IMPG1: variants seen among roughly 807,000 people sequenced by gnomAD.
IMPG1 encodes the protein interphotoreceptor matrix proteoglycan of 150 kDa.
In IMPG1, 85 loss-of-function variants were observed where a neutral mutation model predicts 92.0. The observed-to-expected ratio is 0.92, with a 90% CI of 0.78 to 1.11. The LOEUF is 1.11. Among genes scored for constraint, IMPG1 ranks in the 50% least tolerant of loss-of-function variants. The pLI is 0.00. For synonymous variants in IMPG1, 367 were observed against 334.1 expected (o/e 1.10, Z -1.08); for missense variants, 1,022 against 956.0 (o/e 1.07, Z -0.91).
Position 75,931,098 on chromosome 6 carries a change from C to G in IMPG1, c.2098G>C (p.Val700Leu). 1.2e-6 allele frequency: 2 copies of G among 1,614,150 alleles called. No homozygotes were observed. Among genetic ancestry groups the G allele is most frequent in the Non-Finnish European group, 1.7e-6 (2 of 1,180,032 alleles). Residue 700 changes from valine to leucine, a missense_variant, in exon 15 of 17, where the codon GTA becomes CTA. Val to Leu is a conservative substitution (Grantham distance 32). This residue lies in a region of IMPG1 where 332 missense variants were observed against 346.2 expected (regional missense o/e 0.96). Coordinates refer to ENST00000369950, the MANE Select transcript of IMPG1 (RefSeq NM_001563.4). ...GCTTCCTCAGTCCGTTCGTTCTTTACACATTGGGCAAATTCGCCGCAGGCC... is the reference window on the plus strand; with the variant it reads ...GCTTCCTCAGTCCGTTCGTTCTTTAGACATTGGGCAAATTCGCCGCAGGCC... The part of the protein sequence containing the change: ...FLACGEFAQC[V>L]KNERTEEAEC...
At chr6:75,923,115 T>C (rs1184847898) in intron 16 of IMPG1, among the ~76,000 whole-genome samples, 2 of 152,090 alleles carry the variant, frequency 1.3e-5, no homozygotes, top group East Asian at 1.9e-4. Flanking sequence ...AAAATAAAAT[T>C]ATTTTAGTAA....
intron 12 of IMPG1, among the ~76,000 whole-genome samples, chr6:75,986,167 A>G (rs1279136360): frequency 2.0e-5 from 3 of 152,124 alleles, no homozygotes. Flanking sequence ...TTACATTTAC[A>G]TATTATCTTG....
At chr6:76,012,449 TC>T (rs1783202332) in intron 7 of IMPG1, among the ~76,000 whole-genome samples, 1 of 152,230 alleles carries the variant, frequency 6.6e-6, no homozygotes, top group African/African-American at 2.4e-5. Flanking sequence ...ATCTTCAGCC[TC>T]CTGCTTCACT....
intron 1 of IMPG1, among the ~76,000 whole-genome samples, chr6:76,060,348 A>C (rs1165754429): frequency 1.3e-5 from 2 of 152,076 alleles, no homozygotes. Context: ...GGAAGAGAGG[A>C]GCAATAGAGG....
At position 76,018,772 on chromosome 6, in the gene IMPG1, G is replaced by A. The variant is rs149994451; in HGVS notation, c.753C>T (p.Leu251=). 1.1e-3 allele frequency: 1,819 copies of A among 1,613,200 alleles called. 5 individuals carry two copies. The highest frequency in any genetic ancestry group is 1.4e-3 in the Non-Finnish European group (1,695 of 1,179,672). ...GGTAATATGGGGACTGGGAGTCAGC[G>A]AGCTCTGCCTTGAACTTCTGGTTTA... The part of the protein sequence containing the change: ...SLVNQKFKAE[L]ADSQSPYYQE... The change falls in exon 7 of 17, where the codon CTC becomes CTT. Residue 251 remains leucine, a synonymous_variant. Transcript: ENST00000369950.
At chr6:76,030,264 G>C in intron 4 of IMPG1, among the ~76,000 whole-genome samples, 1 of 152,212 alleles carries the variant, frequency 6.6e-6, no homozygotes, top group African/African-American at 2.4e-5. Flanking sequence ...GGTGGGACCT[G>C]ACAAGGTCAC....
At chr6:75,947,153 T>C (rs1340645788) in intron 14 of IMPG1, among the ~76,000 whole-genome samples, 161 bp downstream of exon 14, 1 of 152,248 alleles carries the variant, frequency 6.6e-6, no homozygotes, top group Non-Finnish European at 1.5e-5. Context: ...GGACTCTACC[T>C]TTCTAATGAT....
At chr6:75,935,409 C>G (rs1351650396) in intron 14 of IMPG1, among the ~76,000 whole-genome samples, 3 of 152,228 alleles carry the variant, frequency 2.0e-5, no homozygotes, top group Non-Finnish European at 4.4e-5. Flanking sequence ...GCTGCCACGC[C>G]CTGGCGCCCA....
intron 12 of IMPG1, among the ~76,000 whole-genome samples, chr6:75,991,121 G>A (rs1480356164): frequency 2.0e-5 from 3 of 152,110 alleles, no homozygotes; most frequent in Non-Finnish European, 2.9e-5. Flanking sequence ...AAATGGACAC[G>A]GTGGTTCACG....
chr6:76,038,109 T>C (rs1452564676), intron 2 of IMPG1, among the ~76,000 whole-genome samples: 1 of 152,176 alleles, frequency 6.6e-6, no homozygotes, highest in Non-Finnish European at 1.5e-5. Flanking sequence ...CATCATCAGT[T>C]ATGCAGAGAT....
intron 10 of IMPG1, 140 bp from the exon 11 acceptor site, chr6:76,004,090 C>T (rs533395205): frequency 3.2e-6 from 2 of 618,918 alleles, no homozygotes; most frequent in Non-Finnish European, 5.5e-6. Flanking sequence ...AAACCAGAGG[C>T]ATAGAAAAAA....
At chr6:76,059,732 T>C (rs190156456) in intron 1 of IMPG1, among the ~76,000 whole-genome samples, 2 of 152,310 alleles carry the variant, frequency 1.3e-5, no homozygotes, top group African/African-American at 2.4e-5. Flanking sequence ...TACTTGGCAC[T>C]CTCTGCCTTA....
intron 15 of IMPG1, among the ~76,000 whole-genome samples, chr6:75,925,964 C>T (rs1188361912): frequency 6.6e-6 from 1 of 152,144 alleles, no homozygotes; most frequent in Non-Finnish European, 1.5e-5. Context: ...TGTGCCAGGC[C>T]TGTATTTATT....
At chr6:76,006,563 CAT>C (rs1783103910) in intron 9 of IMPG1, among the ~76,000 whole-genome samples, 1 of 149,000 alleles carries the variant, frequency 6.7e-6, no homozygotes, top group South Asian at 2.1e-4. Flanking sequence ...TATATATATA[CAT>C]ATGTGTTGTA....
At position 76,048,362 on chromosome 6, in the gene IMPG1, A is replaced by T. The variant is rs114240838; in HGVS notation, c.68-6236T>A. On this transcript the variant is annotated intron_variant, in intron 1 of 16. Coordinates refer to ENST00000369950, the MANE Select transcript of IMPG1 (RefSeq NM_001563.4). ...TACCTTCTTGCTGATTCTTTCTCTT[A>T]GCTGATGAGTTTGCTTCACATTTTA... 8.0e-3 allele frequency among the ~76,000 whole-genome samples: 1,211 copies of T among 152,290 alleles called. 11 individuals are homozygous for T. Among genetic ancestry groups the T allele is most frequent in the African/African-American group, 0.027 (1,142 of 41,554 alleles).
chr6:75,931,246 T>G (rs554294663), intron 14 of IMPG1, 95 bp from the exon 15 acceptor site: 7 of 1,160,174 alleles, frequency 6.0e-6, no homozygotes, highest in Admixed American at 2.0e-5. Context: ...CATTTGCTAT[T>G]ACCTCATTTT....
At chr6:75,995,832 T>A (rs1782890600) in intron 12 of IMPG1, among the ~76,000 whole-genome samples, 1 of 152,246 alleles carries the variant, frequency 6.6e-6, no homozygotes, top group Admixed American at 6.5e-5. Context: ...CTTACTGAAT[T>A]TACTGGTATC....
chr6:75,994,528 C>T (rs1266243089), intron 12 of IMPG1, among the ~76,000 whole-genome samples: 4 of 152,194 alleles, frequency 2.6e-5, no homozygotes, highest in Non-Finnish European at 5.9e-5. Context: ...GTTTAATGGA[C>T]TCACAGTTCC....
At chr6:76,018,359 G>A (rs1582107517) in intron 7 of IMPG1, among the ~76,000 whole-genome samples, 1 of 152,276 alleles carries the variant, frequency 6.6e-6, no homozygotes, top group African/African-American at 2.4e-5. Flanking sequence ...AAGGTAAATG[G>A]TATAGAAGTT....
Sources: gnomAD v4.1 joint callset for allele counts (sites outside exome capture counted in the v4.1 genomes callset) on GRCh38, gnomAD v4.1.1 for gene constraint, gnomAD v4.1.1 regional missense constraint, MANE v1.5 for transcripts, NCBI Gene and HGNC (gene_info 2026-07-23, HGNC 2026-07-21) for gene names.